SPAG16: variants seen among roughly 807,000 people sequenced by gnomAD.
SPAG16 encodes sperm-associated antigen 16 protein.
Under a neutral mutation model 80.4 loss-of-function variants are expected in SPAG16, and 86 were observed. The ratio of observed to expected loss-of-function variants is 1.07; its 90% CI spans 0.90 to 1.28. The LOEUF (loss-of-function observed/expected upper bound fraction) is 1.28. SPAG16 is among the 50% of genes most tolerant of loss of function. The pLI is 0.00. For synonymous variants in SPAG16, 294 were observed against 265.9 expected (o/e 1.11, Z -1.03); for missense variants, 870 against 765.3 (o/e 1.14, Z -1.61).
intron 15 of SPAG16, among the ~76,000 whole-genome samples, chr2:214,177,643 A>G (rs1001929296): frequency 2.7e-5 from 4 of 150,712 alleles, no homozygotes; most frequent in African/African-American, 9.7e-5. Flanking sequence ...TTGTGAAACA[A>G]AAATGCTTCT....
intron 10 of SPAG16, among the ~76,000 whole-genome samples, chr2:213,507,246 T>C (rs1045034776): frequency 1.3e-5 from 2 of 152,250 alleles, no homozygotes; most frequent in Admixed American, 6.5e-5. Context: ...TAAATAATTA[T>C]ACATTGTACT....
At chr2:214,231,734 A>G (rs1688719274) in intron 15 of SPAG16, among the ~76,000 whole-genome samples, 1 of 151,966 alleles carries the variant, frequency 6.6e-6, no homozygotes, top group Non-Finnish European at 1.5e-5. Flanking sequence ...GAGGCATTAT[A>G]TTTTCCTTAA....
intron 14 of SPAG16, among the ~76,000 whole-genome samples, chr2:214,139,857 A>G (rs1307303285): frequency 6.6e-6 from 1 of 152,188 alleles, no homozygotes; most frequent in Non-Finnish European, 1.5e-5. Flanking sequence ...CAGACCCTTT[A>G]TCTTAACCTA....
chr2:213,764,909 A>G (rs1281812068), intron 10 of SPAG16, among the ~76,000 whole-genome samples: 3 of 152,264 alleles, frequency 2.0e-5, no homozygotes, highest in Non-Finnish European at 4.4e-5. Flanking sequence ...TATGCATAAA[A>G]GTCTGAAAGC....
intron 10 of SPAG16, among the ~76,000 whole-genome samples, chr2:213,746,216 A>G (rs1236509643): frequency 1.3e-5 from 2 of 152,202 alleles, no homozygotes. Flanking sequence ...GTCTTTTGGA[A>G]TATTGTCTTT....
chr2:214,244,945 T>C (rs1195603782), intron 15 of SPAG16, among the ~76,000 whole-genome samples: 5 of 152,164 alleles, frequency 3.3e-5, no homozygotes, highest in African/African-American at 7.2e-5. Context: ...TATTAAAAAG[T>C]ATGTCTAACT....
intron 9 of SPAG16, among the ~76,000 whole-genome samples, chr2:213,403,674 C>T (rs1384999106): frequency 2.6e-5 from 4 of 152,144 alleles, no homozygotes; most frequent in Non-Finnish European, 4.4e-5. Flanking sequence ...TCTCATCATT[C>T]CTATTCAACA....
chr2:213,293,380 C>T (rs2062374506), intron 1 of SPAG16, among the ~76,000 whole-genome samples: 1 of 152,214 alleles, frequency 6.6e-6, no homozygotes, highest in Admixed American at 6.5e-5. Context: ...GTGTAATCCT[C>T]ACACACTGAG....
chr2:214,315,758 C>T (rs941804679), intron 15 of SPAG16, among the ~76,000 whole-genome samples: 6 of 152,078 alleles, frequency 3.9e-5, no homozygotes, highest in African/African-American at 1.4e-4. Flanking sequence ...TCTCAAACTC[C>T]TAGACTCAAG....
At chr2:214,254,775 A>G (rs1690561933) in intron 15 of SPAG16, among the ~76,000 whole-genome samples, 1 of 103,776 alleles carries the variant, frequency 9.6e-6, no homozygotes, top group Non-Finnish European at 2.2e-5. Context: ...GGAGTAAAAG[A>G]TATATTTAGT....
chr2:213,587,351 GCCATACCTGGGTCAGCC>G (rs1379139535), intron 10 of SPAG16, among the ~76,000 whole-genome samples: 1 of 152,146 alleles, frequency 6.6e-6, no homozygotes, highest in Non-Finnish European at 1.5e-5. Flanking sequence ...ACCTGGGTCA[GCCATACCTGGGTCAGCC>G]CCATACCTGG....
intron 15 of SPAG16, among the ~76,000 whole-genome samples, chr2:214,326,636 T>C (rs1559214533): frequency 6.6e-6 from 1 of 152,076 alleles, no homozygotes; most frequent in Admixed American, 6.6e-5. Flanking sequence ...TTGTCAAATA[T>C]CTTTTTTTAA....
intron 15 of SPAG16, among the ~76,000 whole-genome samples, chr2:214,406,263 AAATT>A (rs543443284): frequency 1.8e-4 from 27 of 152,316 alleles, no homozygotes; most frequent in African/African-American, 6.5e-4. Flanking sequence ...CGTGTTTCTA[AAATT>A]AATTTAAAAT....
chr2:213,615,780 C>A (rs1389972340), intron 10 of SPAG16, among the ~76,000 whole-genome samples: 1 of 152,018 alleles, frequency 6.6e-6, no homozygotes, highest in Non-Finnish European at 1.5e-5. Context: ...AACAAGAATG[C>A]AGGACCAGCC....
intron 15 of SPAG16, among the ~76,000 whole-genome samples, chr2:214,275,212 A>T (rs1033951089): frequency 6.6e-6 from 1 of 152,040 alleles, no homozygotes; most frequent in African/African-American, 2.4e-5. Context: ...TCTTGCTAGC[A>T]GTCTATCAAT....
rs2071803944 is a variant in SPAG16, at chr2:213,806,947, A to G, written c.1071-55538A>G. Among the ~76,000 whole-genome samples, 5 of 152,288 alleles carry G rather than the reference A, an allele frequency of 3.3e-5. No homozygotes were observed. In the South Asian group the frequency reaches 1.0e-3, roughly 32 times the overall value. On this transcript the variant is annotated intron_variant, in intron 10 of 15. Coordinates refer to ENST00000331683, the MANE Select transcript of SPAG16 (RefSeq NM_024532.5). ...GGCTAATTAATGCGTGTTTTCAAAGATCACGGATACATTAGCTGTTTTCCA... is the reference window on the plus strand; with the variant it reads ...GGCTAATTAATGCGTGTTTTCAAAGGTCACGGATACATTAGCTGTTTTCCA...
intron 15 of SPAG16, among the ~76,000 whole-genome samples, chr2:214,345,177 G>A (rs1027222739): frequency 5.3e-5 from 8 of 152,100 alleles, no homozygotes; most frequent in Admixed American, 5.2e-4. Flanking sequence ...TTCTAGGGCT[G>A]GAGTCCTACC....
intron 9 of SPAG16, chr2:213,422,395 A>G (rs1431170721): frequency 6.1e-6 from 4 of 661,156 alleles, no homozygotes; most frequent in Non-Finnish European, 2.8e-6. Flanking sequence ...AGCAGCTGGC[A>G]TGCCTGGCTG....
rs1394342382 is a variant in SPAG16, at chr2:213,487,321, C to G, written c.943-2642C>G. ...CACACTGCTGAGAGCTTAGCTTTGCCTTCCAATTGTATCTTGTCAATACAA... is the reference window on the plus strand; with the variant it reads ...CACACTGCTGAGAGCTTAGCTTTGCGTTCCAATTGTATCTTGTCAATACAA... On this transcript the variant is annotated intron_variant, in intron 9 of 15. Transcript: ENST00000331683. Among the ~76,000 whole-genome samples, 7 of 151,974 alleles carry G rather than the reference C, an allele frequency of 4.6e-5. 1 individual carries two copies. Among genetic ancestry groups the G allele is most frequent in the African/African-American group, 1.5e-4 (6 of 41,340 alleles).
Sources: allele counts gnomAD v4.1 joint callset (sites outside exome capture counted in the v4.1 genomes callset), GRCh38; gene constraint gnomAD v4.1.1; transcripts MANE v1.5; gene names NCBI Gene and HGNC (gene_info 2026-07-23, HGNC 2026-07-21).